Variants in AHNAK2 observed in about 807,000 individuals in gnomAD.
AHNAK2 encodes the protein AHNAK nucleoprotein 2.
AHNAK2 carries 18 observed loss-of-function variants against 30.7 expected under a neutral mutation model. The ratio of observed to expected loss-of-function variants is 0.59; its 90% CI spans 0.41 to 0.87. The LOEUF (loss-of-function observed/expected upper bound fraction) is 0.87, where lower values mean the gene tolerates loss of function less well. Among genes scored for constraint, AHNAK2 ranks in the 40% least tolerant of loss-of-function variants. The pLI, the probability that AHNAK2 is intolerant of heterozygous loss-of-function variation, is 0.00. For missense variants in AHNAK2, 8,604 were observed against 7,373.0 expected (o/e 1.17, Z -6.11); for synonymous variants, 3,590 against 3,073.8 (o/e 1.17, Z -5.56).
chr14:104,952,264 C>G lies in AHNAK2; in HGVS notation c.3187G>C (p.Asp1063His), dbSNP rs781760397. 1 of 1,612,388 alleles carries G rather than the reference C, an allele frequency of 6.2e-7. No individual in the cohort carries two copies. Among genetic ancestry groups the G allele is most frequent in the East Asian group, 2.2e-5 (1 of 44,756 alleles). Residue 1063 changes from aspartate (D) to histidine (H), a missense_variant, in exon 7 of 7, where the codon GAT (aspartate) becomes CAT (histidine). Physicochemically the swap from Asp to His is moderately conservative, Grantham distance 81 (BLOSUM62 -1). Coordinates refer to ENST00000333244, the MANE Select transcript of AHNAK2 (RefSeq NM_138420.4). ...TDLKVQADQV[D>H]VKLPEGHLPE... ...AGGTGGCCCTCCGGGAGCTTCACAT[C>G]CACCTGGTCAGCCTGGACCTTCAGG...
chr14:104,945,574 C>A lies in AHNAK2; in HGVS notation c.9877G>T (p.Asp3293Tyr), dbSNP rs754701002. The A allele has an allele frequency of 9.3e-6, 15 of 1,609,344 alleles. No individual in the cohort carries two copies. The East Asian group carries it at 3.1e-4, about 34-fold the overall frequency. Reference protein sequence around the residue: ...AKLDGARLEGDLSLADKDVTA... With the variant: ...AKLDGARLEGYLSLADKDVTA... Reference sequence around the variant, plus strand: ...ACATCCTTGTCGGCCAGGGACAGGTCCCCCTCCAGCCGTGCACCATCCAAC... The same window carrying A: ...ACATCCTTGTCGGCCAGGGACAGGTACCCCTCCAGCCGTGCACCATCCAAC... Residue 3293 changes from aspartate to tyrosine, a missense_variant, in exon 7 of 7, where the codon GAC becomes TAC. By Grantham distance (160) the Asp-to-Tyr change is radical. Transcript: ENST00000333244.
Position 104,946,594 on chromosome 14 carries a change from C to T in AHNAK2, c.8857G>A (p.Ala2953Thr), listed in dbSNP as rs1898284358. Residue 2953 changes from alanine to threonine, a missense_variant, in exon 7 of 7, where the codon GCA (alanine) becomes ACA (threonine). Ala to Thr is a moderately conservative substitution (Grantham distance 58). Transcript: ENST00000333244. The part of the protein sequence containing the change: ...SVEVDVEAPR[A>T]KLDGARLEGD... ...TCCAGCCGTGCACCATCCAGCTTTG[C>T]TCTCGGGGCCTCGACGTCCACCTCC... is the stretch of plus-strand genomic sequence containing the variant. 1.2e-6 allele frequency: 2 copies of T among 1,613,048 alleles called. No individual in the cohort carries two copies. Among genetic ancestry groups the T allele is most frequent in the Non-Finnish European group, 1.7e-6 (2 of 1,179,744 alleles).
Position 104,941,648 on chromosome 14 carries a change from T to G in AHNAK2, c.13803A>C (p.Pro4601=). The G allele has an allele frequency of 6.2e-7, 1 of 1,613,526 alleles. No homozygotes were observed. Among genetic ancestry groups the G allele is most frequent in the Admixed American group, 1.7e-5 (1 of 60,010 alleles). Residue 4601 remains proline, a synonymous_variant, in exon 7 of 7, where the codon CCA becomes CCC. Transcript: ENST00000333244. The part of the protein sequence containing the change: ...LPSVETDVQA[P]GSMLDGARLE... ...GCCGCGCACCATCCAGCATGGATCC[T>G]GGGGCCTGGACATCCGTCTCCACGC...
At position 104,966,010 on chromosome 14, in the gene AHNAK2, C is replaced by T. The variant is rs1210991268; in HGVS notation, c.56-8338G>A. On this transcript the variant is annotated intron_variant, in intron 1 of 6. Transcript: ENST00000333244. This position sits in a 1 kb window ranked among gnomAD's most constrained non-coding sequence, Gnocchi z 4.3. ...CCTCTGCCTGCGCGGGCCCCTGCCA[C>T]TCCCTCACCGCTTCACGGGCCTTTC... Among the ~76,000 whole-genome samples the T allele has an allele frequency of 6.6e-6, 1 of 152,232 alleles. No homozygotes were observed. Among genetic ancestry groups the T allele is most frequent in the Non-Finnish European group, 1.5e-5 (1 of 68,036 alleles).
rs774438863 is a variant in AHNAK2 at position 104,940,765 on chromosome 14, G to A, written c.14686C>T (p.Leu4896Phe). ...CACTGCACTCTTTCTCCAGGGCTAA[G>A]AGGAGACATGACTGGGGCACCCACT... ...AAVGAPVMSP[L>F]SPGERVQCPL... The change falls in exon 7 of 7, where the codon CTT becomes TTT. Residue 4896 changes from leucine to phenylalanine, a missense_variant. Physicochemically the swap from Leu to Phe is conservative, Grantham distance 22. Transcript: ENST00000333244. The surrounding 1 kb of genome is among the most constrained non-coding windows in gnomAD (Gnocchi z 4.4). 6.2e-7 allele frequency: 1 copy of A among 1,612,992 alleles called. No homozygotes were observed. Among genetic ancestry groups the A allele is most frequent in the Admixed American group, 1.7e-5 (1 of 60,030 alleles).
Position 104,952,963 on chromosome 14 carries a change from C to A in AHNAK2, c.2488G>T (p.Asp830Tyr). The change falls in exon 7 of 7, where the codon GAC (aspartate) becomes TAC (tyrosine). Residue 830 changes from aspartate to tyrosine, a missense_variant. Coordinates refer to ENST00000333244, the MANE Select transcript of AHNAK2 (RefSeq NM_138420.4). The part of the protein sequence containing the change: ...SLADKEVTAK[D>Y]SKFKMPKFKM... ...AACTTGGGCATTTTGAACTTGCTGT[C>A]TTTGGCAGTCACCTCCTTGTCGGCC... is the stretch of plus-strand genomic sequence containing the variant. 6.2e-7 allele frequency: 1 copy of A among 1,612,718 alleles called. No homozygotes were observed. Among genetic ancestry groups the A allele is most frequent in the South Asian group, 1.1e-5 (1 of 91,004 alleles).
chr14:104,975,343 C>A (rs894180030), intron 1 of AHNAK2, among the ~76,000 whole-genome samples: 5 of 152,188 alleles, frequency 3.3e-5, no homozygotes, highest in African/African-American at 1.2e-4. Context: ...GGCCAGCAGG[C>A]AGCCCAGCCT....
rs199964013 is a variant in AHNAK2, at chr14:104,950,883, A to G, written c.4568T>C (p.Val1523Ala). 254 of 1,571,722 alleles carry G rather than the reference A, an allele frequency of 1.6e-4. 12 individuals are homozygous for G. In the African/African-American group the frequency reaches 2.0e-3, roughly 13 times the overall value. ...EASVDVSAPK[V>A]EADVSLPSMQ... ...GGAGGGGAGGCTCACGTCGGCCTCC[A>G]CCTTCGGCGCAGACACATCCACTGA... is the stretch of plus-strand genomic sequence containing the variant. The change falls in exon 7 of 7, where the codon GTG becomes GCG. Residue 1523 changes from valine to alanine, a missense_variant. By Grantham distance (64) the Val-to-Ala change is moderately conservative. Transcript: ENST00000333244.
intron 1 of AHNAK2, among the ~76,000 whole-genome samples, chr14:104,965,849 G>A (rs1726628072): frequency 6.6e-6 from 1 of 152,216 alleles, no homozygotes; most frequent in East Asian, 1.9e-4. Flanking sequence ...CCCTGAGCAA[G>A]CTCATCCCCT....
In AHNAK2 at chr14:104,942,407, A is replaced by T. The variant is rs761915038; in HGVS notation, c.13044T>A (p.Ile4348=). The change falls in exon 7 of 7, where the codon ATT becomes ATA. Residue 4348 remains isoleucine, a synonymous_variant. Coordinates refer to ENST00000333244, the MANE Select transcript of AHNAK2 (RefSeq NM_138420.4). ...QGDLKTTHLS[I]QPPSADLEVQ... is the part of the protein sequence containing the mutation. ...CCTCCAGATCAGCGGAAGGGGGCTG[A>T]ATGCTGAGGTGAGTGGTCTTCAGGT... 12 of 1,612,734 alleles carry T rather than the reference A, an allele frequency of 7.4e-6. No individual in the cohort carries two copies. Among genetic ancestry groups the T allele is most frequent in the South Asian group, 2.2e-5 (2 of 91,036 alleles).
Position 104,953,177 on chromosome 14 carries a change from C to T in AHNAK2, c.2274G>A (p.Leu758=), listed in dbSNP as rs1289587201. 1.2e-6 allele frequency: 2 copies of T among 1,613,204 alleles called. No individual in the cohort carries two copies. Among genetic ancestry groups the T allele is most frequent in the South Asian group, 1.1e-5 (1 of 91,062 alleles). The change falls in exon 7 of 7, where the codon CTG becomes CTA. Residue 758 remains leucine (L), a synonymous_variant. Coordinates refer to ENST00000333244, the MANE Select transcript of AHNAK2 (RefSeq NM_138420.4). Reference sequence around the variant, plus strand: ...TCAAACTGGGCCTCTGCACCTTGGGCAGGTGCCCTTTGAGGCTGGCTCCCT... The same window carrying T: ...TCAAACTGGGCCTCTGCACCTTGGGTAGGTGCCCTTTGAGGCTGGCTCCCT... ...LPEGASLKGH[L]PKVQRPSLKM...
chr14:104,973,940 G>T (rs1014266677), intron 1 of AHNAK2, among the ~76,000 whole-genome samples: 1 of 152,208 alleles, frequency 6.6e-6, no homozygotes, highest in Non-Finnish European at 1.5e-5. Context: ...CCTCTGTGGG[G>T]TGCGGGGATG....
Position 104,948,600 on chromosome 14 carries a change from A to G in AHNAK2, c.6851T>C (p.Val2284Ala). 1 of 1,612,398 alleles carries G rather than the reference A, an allele frequency of 6.2e-7. No homozygotes were observed. The highest frequency in any genetic ancestry group is 1.1e-5 in the South Asian group (1 of 91,048). Residue 2284 changes from valine (V) to alanine (A), a missense_variant, in exon 7 of 7, where the codon GTG becomes GCG. Transcript: ENST00000333244. ...APDVEVSLPSVEVDVKAPGAK... is the reference protein window; with the variant it reads ...APDVEVSLPSAEVDVKAPGAK... ...TCCTGGGGCCTTGACGTCCACCTCCACGCTGGGCAGAGACACCTCCACATC... is the reference window on the plus strand; with the variant it reads ...TCCTGGGGCCTTGACGTCCACCTCCGCGCTGGGCAGAGACACCTCCACATC...
chr14:104,950,509 C>G lies in AHNAK2; in HGVS notation c.4942G>C (p.Asp1648His). 1.3e-6 allele frequency: 2 copies of G among 1,586,916 alleles called. No homozygotes were observed. Among genetic ancestry groups the G allele is most frequent in the Non-Finnish European group, 1.7e-6 (2 of 1,162,970 alleles). ...CTGTCTTTGGCAGTCACCGCCTTGTCGGCCAGGGACAGGTCCCCCTCCAGC... is the reference window on the plus strand; with the variant it reads ...CTGTCTTTGGCAGTCACCGCCTTGTGGGCCAGGGACAGGTCCCCCTCCAGC... Reference protein sequence around the residue: ...AQLEGDLSLADKAVTAKDSKF... With the variant: ...AQLEGDLSLAHKAVTAKDSKF... The change falls in exon 7 of 7, where the codon GAC (aspartate) becomes CAC (histidine). Residue 1648 changes from aspartate (D) to histidine (H), a missense_variant. Physicochemically the swap from Asp to His is moderately conservative, Grantham distance 81. Coordinates refer to ENST00000333244, the MANE Select transcript of AHNAK2 (RefSeq NM_138420.4).
chr14:104,943,838 G>A lies in AHNAK2; in HGVS notation c.11613C>T (p.Leu3871=). 5 of 1,613,156 alleles carry A rather than the reference G, an allele frequency of 3.1e-6. No homozygotes were observed. Among genetic ancestry groups the A allele is most frequent in the Non-Finnish European group, 4.2e-6 (5 of 1,179,588 alleles). ...CTTCCTCGGGCACGTGGCCCTCCAG[G>A]AGTTTCATGTCCACCTGGCGAGCTT... is the stretch of plus-strand genomic sequence containing the variant. The part of the protein sequence containing the change: ...TVQARQVDMK[L]LEGHVPEEAG... Residue 3871 remains leucine (L), a synonymous_variant, in exon 7 of 7, where the codon CTC becomes CTT. Transcript: ENST00000333244.
intron 1 of AHNAK2, among the ~76,000 whole-genome samples, chr14:104,974,833 A>G (rs1899556743): frequency 6.6e-6 from 1 of 152,146 alleles, no homozygotes; most frequent in Admixed American, 6.5e-5. Flanking sequence ...TTACTCCTGA[A>G]GTGGGTGGCA....
Position 104,941,466 on chromosome 14 carries a change from G to T in AHNAK2, c.13985C>A (p.Thr4662Asn), listed in dbSNP as rs368043604. The T allele has an allele frequency of 1.2e-6, 2 of 1,612,500 alleles. No individual in the cohort carries two copies. The highest frequency in any genetic ancestry group is 8.5e-7 in the Non-Finnish European group (1 of 1,179,454). Residue 4662 changes from threonine (T) to asparagine (N), a missense_variant, in exon 7 of 7, where the codon ACT (threonine) becomes AAT (asparagine). Thr to Asn is a moderately conservative substitution (Grantham distance 65). Coordinates refer to ENST00000333244, the MANE Select transcript of AHNAK2 (RefSeq NM_138420.4). ...AGATTCCACAATGGGAAATGTGGAA[G>T]TCTTCTCATGGAATGTAACATTTCC... ...IEGNVTFHEK[T>N]STFPIVESVV...
chr14:104,947,273 G>T lies in AHNAK2; in HGVS notation c.8178C>A (p.Gly2726=). The T allele has an allele frequency of 6.2e-7, 1 of 1,611,456 alleles. No individual in the cohort carries two copies. The highest frequency in any genetic ancestry group is 8.5e-7 in the Non-Finnish European group (1 of 1,179,306). Reference sequence around the variant, plus strand: ...GCAGCTTGGGCAGGTGCCCTTTGAGGCCGGCTCCCTCGGGAACGTGGCCCT... The same window carrying T: ...GCAGCTTGGGCAGGTGCCCTTTGAGTCCGGCTCCCTCGGGAACGTGGCCCT... The part of the protein sequence containing the change: ...LPEGHVPEGA[G]LKGHLPKLQM... Residue 2726 remains glycine, a synonymous_variant, in exon 7 of 7, where the codon GGC becomes GGA. Transcript: ENST00000333244.
Position 104,952,786 on chromosome 14 carries a change from C to T in AHNAK2, c.2665G>A (p.Asp889Asn), listed in dbSNP as rs748127466. Residue 889 changes from aspartate (D) to asparagine (N), a missense_variant, in exon 7 of 7, where the codon GAC becomes AAC. Coordinates refer to ENST00000333244, the MANE Select transcript of AHNAK2 (RefSeq NM_138420.4). Reference sequence around the variant, plus strand: ...ACTTGGCCAGCCTGGACCTCCAGGTCAGCGGAAGGGGGCTGAATGCTGAGG... The same window carrying T: ...ACTTGGCCAGCCTGGACCTCCAGGTTAGCGGAAGGGGGCTGAATGCTGAGG... ...TDLSIQPPSA[D>N]LEVQAGQVDV... The T allele has an allele frequency of 6.2e-7, 1 of 1,612,506 alleles. No homozygotes were observed. The highest frequency in any genetic ancestry group is 1.3e-5 in the African/African-American group (1 of 74,344).
Sources: gnomAD v4.1 joint callset for allele counts (sites outside exome capture counted in the v4.1 genomes callset) on GRCh38, gnomAD v4.1.1 for gene constraint, Gnocchi (gnomAD v3.1) non-coding constraint, MANE v1.5 for transcripts, NCBI Gene and HGNC (gene_info 2026-07-23, HGNC 2026-07-21) for gene names.